The following ADK variants were observed in gnomAD, a reference collection of about 807,000 sequenced individuals.
The protein encoded by ADK is N6,N6-dimethyladenosine kinase.
In ADK, 24 loss-of-function variants were observed where a neutral mutation model predicts 44.7. The ratio of observed to expected loss-of-function variants is 0.54; its 90% confidence interval spans 0.39 to 0.76. ADK has a LOEUF of 0.76. ADK is among the 30% of genes least tolerant of loss of function. The pLI is 0.00. For synonymous variants in ADK, 128 were observed against 142.6 expected (o/e 0.90, Z 0.73); for missense variants, 321 against 425.1 (o/e 0.76, Z 2.15).
intron 3 of ADK, among the ~76,000 whole-genome samples, chr10:74,281,911 T>C (rs1846954020): frequency 6.6e-6 from 1 of 152,232 alleles, no homozygotes; most frequent in Admixed American, 6.5e-5. Flanking sequence ...TCTTTTGTTT[T>C]GGTATGATTC....
At chr10:74,655,248 C>A in intron 9 of ADK, 1 of 412,558 alleles carries the variant, frequency 2.4e-6, no homozygotes, top group South Asian at 2.2e-5. Flanking sequence ...GGGATGAGGC[C>A]ACCCAGAAGT....
chr10:74,183,192 C>T (rs1036390499), intron 1 of ADK, among the ~76,000 whole-genome samples: 5 of 152,216 alleles, frequency 3.3e-5, no homozygotes, highest in African/African-American at 9.6e-5. Context: ...GCTTTGACCT[C>T]ACAAAGTGCT....
At chr10:74,467,014 A>T (rs1196008778) in intron 6 of ADK, among the ~76,000 whole-genome samples, 1 of 152,206 alleles carries the variant, frequency 6.6e-6, no homozygotes, top group Non-Finnish European at 1.5e-5. Flanking sequence ...TATGTATCTT[A>T]AATGACATAT....
Position 74,586,542 on chromosome 10 carries a change from C to G in ADK, c.727-2740C>G, listed in dbSNP as rs538522840. ...TAGTCAGCTCCATACCATAACAGAT[C>G]ACAGTTAATTTTTAAAAATAATTTT... On this transcript the variant is annotated intron_variant, in intron 7 of 10. Coordinates refer to ENST00000539909, the MANE Select transcript of ADK (RefSeq NM_006721.4). Among the ~76,000 whole-genome samples the G allele has an allele frequency of 1.4e-4, 21 of 152,182 alleles. No individual in the cohort carries two copies. The East Asian group carries it at 2.5e-3, about 18-fold the overall frequency.
chr10:74,529,858 G>C (rs1001254153), intron 7 of ADK, among the ~76,000 whole-genome samples: 19 of 152,170 alleles, frequency 1.2e-4, no homozygotes, highest in African/African-American at 4.3e-4. Context: ...AAGACAATTA[G>C]AGGTATTTGG....
intron 6 of ADK, chr10:74,423,920 C>T: frequency 4.6e-6 from 1 of 217,556 alleles, no homozygotes; most frequent in Non-Finnish European, 9.6e-6. Context: ...TGTCCCTTGA[C>T]AAAGTGGAGG....
Position 74,662,756 on chromosome 10 carries a change from C to A in ADK, c.878-7427C>A, listed in dbSNP as rs7085007. 5.4e-3 allele frequency among the ~76,000 whole-genome samples: 816 copies of A among 152,234 alleles called. 7 individuals are homozygous for A. Among genetic ancestry groups the A allele is most frequent in the African/African-American group, 0.019 (775 of 41,546 alleles). On this transcript the variant is annotated intron_variant, in intron 9 of 10. Transcript: ENST00000539909. Reference sequence around the variant, plus strand: ...TGCCAAGCTTGTTGCTAGTCTGGGGCCTCTGCACTTGAATGTTCTACCCCT... The same window carrying A: ...TGCCAAGCTTGTTGCTAGTCTGGGGACTCTGCACTTGAATGTTCTACCCCT...
At chr10:74,645,288 G>GT (rs1417599345) in intron 9 of ADK, among the ~76,000 whole-genome samples, 1 of 152,034 alleles carries the variant, frequency 6.6e-6, no homozygotes, top group Non-Finnish European at 1.5e-5. Context: ...TTTTGCAAGT[G>GT]TTTCAGTTTT....
At chr10:74,527,482 A>G (rs1395072099) in intron 7 of ADK, 3 of 568,626 alleles carry the variant, frequency 5.3e-6, no homozygotes, top group East Asian at 3.0e-5. Flanking sequence ...ATAGTCACAA[A>G]TGATCTTAAT....
intron 4 of ADK, among the ~76,000 whole-genome samples, chr10:74,386,321 T>G (rs183029092): frequency 2.2e-3 from 340 of 152,346 alleles, no homozygotes; most frequent in African/African-American, 7.7e-3. Context: ...GTGTCATTCT[T>G]CATCATTCTA....
At chr10:74,365,100 A>C (rs1056116960) in intron 4 of ADK, among the ~76,000 whole-genome samples, 7 of 152,218 alleles carry the variant, frequency 4.6e-5, no homozygotes, top group East Asian at 1.9e-4. Flanking sequence ...CAGCCTTATC[A>C]TTAAGAAAAC....
At chr10:74,486,654 A>G (rs1847277736) in intron 6 of ADK, among the ~76,000 whole-genome samples, 2 of 152,182 alleles carry the variant, frequency 1.3e-5, no homozygotes, top group African/African-American at 2.4e-5. Context: ...GACCCAAATA[A>G]TGATCCAAAT....
chr10:74,497,220 G>A (rs1392969859), intron 6 of ADK, among the ~76,000 whole-genome samples: 2 of 152,224 alleles, frequency 1.3e-5, no homozygotes, highest in African/African-American at 4.8e-5. Flanking sequence ...GGTGGAGTAA[G>A]GGTGATGCTT....
chr10:74,647,732 T>G (rs554689571), intron 9 of ADK, among the ~76,000 whole-genome samples: 2 of 152,310 alleles, frequency 1.3e-5, no homozygotes, highest in African/African-American at 4.8e-5. Flanking sequence ...TGAGTTTCAG[T>G]CTCTGTTTAG....
chr10:74,376,809 C>CT (rs1442074495), intron 4 of ADK, among the ~76,000 whole-genome samples: 18 of 140,108 alleles, frequency 1.3e-4, no homozygotes, highest in South Asian at 2.2e-4. Flanking sequence ...TGTCATTGAC[C>CT]TTTTTTTAAA....
chr10:74,483,388 T>C (rs1847144475), intron 6 of ADK, among the ~76,000 whole-genome samples: 1 of 152,194 alleles, frequency 6.6e-6, no homozygotes, highest in Non-Finnish European at 1.5e-5. Context: ...TTCGCTTTTA[T>C]GACTCTGGGC....
chr10:74,413,796 A>T (rs1216993595), intron 6 of ADK, among the ~76,000 whole-genome samples: 5 of 152,188 alleles, frequency 3.3e-5, no homozygotes, highest in Non-Finnish European at 7.3e-5. Context: ...TGCCTTCCTC[A>T]CTAAACTCAA....
intron 10 of ADK, among the ~76,000 whole-genome samples, chr10:74,680,137 A>AC (rs1305933933): frequency 6.6e-6 from 1 of 151,966 alleles, no homozygotes; most frequent in African/African-American, 2.4e-5. Context: ...ACAAGGTGAA[A>AC]CCCCGTCTCT....
chr10:74,286,124 C>T (rs908842858), intron 3 of ADK, among the ~76,000 whole-genome samples: 5 of 152,074 alleles, frequency 3.3e-5, no homozygotes, highest in African/African-American at 9.7e-5. Flanking sequence ...ATGATCATAG[C>T]TTACTGTAAC....
Sources: gnomAD v4.1 joint callset for allele counts (sites outside exome capture counted in the v4.1 genomes callset) on GRCh38, gnomAD v4.1.1 for gene constraint, MANE v1.5 for transcripts, NCBI Gene and HGNC (gene_info 2026-07-23, HGNC 2026-07-21) for gene names.